CNBD1: variants seen among roughly 807,000 people sequenced by gnomAD.
CNBD1 encodes cyclic nucleotide binding domain containing 1.
A neutral mutation model predicts 54.4 loss-of-function variants in CNBD1; 71 were observed. The ratio of observed to expected loss-of-function variants is 1.30; its 90% CI spans 1.08 to 1.59. The LOEUF is 1.59. Among genes scored for constraint, CNBD1 ranks in the 40% most tolerant of loss-of-function variants. The probability of loss-of-function intolerance (pLI) is 0.00; values close to 1 mark genes in which losing one functional copy is unlikely to be tolerated. For missense variants in CNBD1, 659 were observed against 518.0 expected (o/e 1.27, Z -2.64); for synonymous variants, 182 against 170.7 (o/e 1.07, Z -0.51).
intron 4 of CNBD1, among the ~76,000 whole-genome samples, chr8:86,974,071 T>C (rs1808285576): frequency 6.6e-6 from 1 of 152,130 alleles, no homozygotes; most frequent in African/African-American, 2.4e-5. Flanking sequence ...GGGAATGTTT[T>C]GTCCTGTAAT....
At chr8:87,121,633 G>A (rs1811892121) in intron 4 of CNBD1, among the ~76,000 whole-genome samples, 1 of 151,506 alleles carries the variant, frequency 6.6e-6, no homozygotes, top group South Asian at 2.1e-4. Flanking sequence ...CTAAAGCTTT[G>A]TACCCTTTGA....
intron 2 of CNBD1, among the ~76,000 whole-genome samples, chr8:86,895,483 C>G (rs1018494612): frequency 4.0e-4 from 61 of 152,250 alleles, no homozygotes; most frequent in African/African-American, 1.4e-3. Context: ...AGCATGCTTG[C>G]TGAATCATAT....
rs537752362 is a variant in CNBD1 at position 87,273,978 on chromosome 8, T to A, written c.772-10700T>A. On this transcript the variant is annotated intron_variant, in intron 6 of 10. Transcript: ENST00000518476. ...ATGTTCCCCTTCCTGTGTCCATGTG[T>A]TCTCATTGTTCAATTCCCACCTATG... Among the ~76,000 whole-genome samples the A allele has an allele frequency of 2.3e-3, 330 of 141,928 alleles. 3 individuals carry two copies. The highest frequency in any genetic ancestry group is 0.02 in the East Asian group (92 of 4,606). 93.1% of individuals were successfully genotyped at this position (141,928 alleles called of 152,430 possible).
At chr8:87,114,605 C>T (rs1327651765) in intron 4 of CNBD1, among the ~76,000 whole-genome samples, 1 of 152,176 alleles carries the variant, frequency 6.6e-6, no homozygotes, top group Non-Finnish European at 1.5e-5. Flanking sequence ...CCAGTGTGGC[C>T]TCCCAAATTG....
intron 4 of CNBD1, among the ~76,000 whole-genome samples, chr8:87,092,928 A>G (rs187455812): frequency 8.5e-5 from 13 of 152,270 alleles, no homozygotes; most frequent in African/African-American, 3.1e-4. Flanking sequence ...CTCCTCCCAC[A>G]GTTGCAAAAG....
At chr8:86,942,875 T>A (rs1329597767) in intron 4 of CNBD1, among the ~76,000 whole-genome samples, 1 of 152,214 alleles carries the variant, frequency 6.6e-6, no homozygotes, top group African/African-American at 2.4e-5. Flanking sequence ...CTAAAGTAAT[T>A]CAATTAAAAT....
At chr8:86,905,717 G>A (rs1041870644) in intron 3 of CNBD1, among the ~76,000 whole-genome samples, 1 of 152,190 alleles carries the variant, frequency 6.6e-6, no homozygotes, top group African/African-American at 2.4e-5. Context: ...GTTGCGGAAG[G>A]TGTAACTGCC....
chr8:87,342,339 GA>G (rs1396233377), intron 8 of CNBD1, among the ~76,000 whole-genome samples: 1 of 151,952 alleles, frequency 6.6e-6, no homozygotes, highest in Non-Finnish European at 1.5e-5. Flanking sequence ...TCCATGGGAG[GA>G]GTAAGAGTCT....
At chr8:86,916,762 G>A (rs1462004125) in intron 3 of CNBD1, among the ~76,000 whole-genome samples, 1 of 151,720 alleles carries the variant, frequency 6.6e-6, no homozygotes, top group African/African-American at 2.4e-5. Flanking sequence ...GGAGTGCAGT[G>A]GTGCAAACTT....
At chr8:87,223,898 C>A (rs1408227859) in intron 5 of CNBD1, among the ~76,000 whole-genome samples, 1 of 152,186 alleles carries the variant, frequency 6.6e-6, no homozygotes, top group Non-Finnish European at 1.5e-5. Context: ...TTCTCTCCAG[C>A]ACCTGTTGCT....
At chr8:87,110,024 C>T (rs1294890358) in intron 4 of CNBD1, among the ~76,000 whole-genome samples, 2 of 152,138 alleles carry the variant, frequency 1.3e-5, no homozygotes, top group South Asian at 2.1e-4. Flanking sequence ...AACCATTTGC[C>T]ACTGCCAGTG....
At chr8:87,224,229 A>G (rs1295370348) in intron 5 of CNBD1, among the ~76,000 whole-genome samples, 7 of 150,894 alleles carry the variant, frequency 4.6e-5, no homozygotes, top group Non-Finnish European at 1.0e-4. Flanking sequence ...TTTGCTGTGC[A>G]GAAGCTCTTT....
chr8:86,963,319 C>T (rs1057282170), intron 4 of CNBD1, among the ~76,000 whole-genome samples: 10 of 152,156 alleles, frequency 6.6e-5, no homozygotes, highest in African/African-American at 2.2e-4. Context: ...ATATTCCCAT[C>T]CATGAAGCAG....
chr8:87,224,419 A>G (rs1399937074), intron 5 of CNBD1, among the ~76,000 whole-genome samples: 2 of 151,568 alleles, frequency 1.3e-5, no homozygotes, highest in Admixed American at 6.6e-5. Context: ...TGATTTTTGT[A>G]TAAGGCGTAA....
intron 2 of CNBD1, among the ~76,000 whole-genome samples, chr8:87,420,774 C>CTT (rs1167576631): frequency 4.9e-5 from 7 of 141,878 alleles, no homozygotes; most frequent in South Asian, 2.3e-4. Flanking sequence ...TGATTTTCTT[C>CTT]TTTTTTTTTT....
chr8:86,988,407 ATATT>A (rs1808659298), intron 4 of CNBD1, among the ~76,000 whole-genome samples: 1 of 151,990 alleles, frequency 6.6e-6, no homozygotes, highest in South Asian at 2.1e-4. Flanking sequence ...CATGGTGTAT[ATATT>A]TATGGAGTAC....
rs954947999 is a variant in CNBD1, at chr8:86,866,629, T to G, written c.88+46T>G. ...TGCTCTTATTCACCTACCATTGTTTTCAGCGGTTCTTACCCCAGCTATGAA... is the reference window on the plus strand; with the variant it reads ...TGCTCTTATTCACCTACCATTGTTTGCAGCGGTTCTTACCCCAGCTATGAA... On this transcript the variant is annotated intron_variant, in intron 1 of 10. Transcript: ENST00000518476. The G allele has an allele frequency of 2.1e-6, 3 of 1,420,120 alleles. No homozygotes were observed. The Admixed American group carries it at 5.7e-5, about 27-fold the overall frequency. 88.0% of individuals were successfully genotyped at this position (1,420,120 alleles called of 1,614,324 possible). A position where few individuals can be genotyped will look rare whatever the true frequency, so the allele number is the denominator to read the frequency against.
At chr8:87,144,126 A>G (rs1563485690) in intron 4 of CNBD1, among the ~76,000 whole-genome samples, 1 of 152,210 alleles carries the variant, frequency 6.6e-6, no homozygotes, top group Non-Finnish European at 1.5e-5. Flanking sequence ...GAGTCCAGCA[A>G]TATAGAGAAG....
intron 3 of CNBD1, among the ~76,000 whole-genome samples, chr8:86,905,567 T>C (rs1809005133): frequency 6.6e-6 from 1 of 152,158 alleles, no homozygotes; most frequent in African/African-American, 2.4e-5. Flanking sequence ...GTGTCATGTA[T>C]CAAGGTATAA....
Sources: gnomAD v4.1 joint callset for allele counts (sites outside exome capture counted in the v4.1 genomes callset) on GRCh38, gnomAD v4.1.1 for gene constraint, MANE v1.5 for transcripts, NCBI Gene and HGNC (gene_info 2026-07-23, HGNC 2026-07-21) for gene names.